Variants in OSER1 observed in about 807,000 individuals in gnomAD.
OSER1 encodes oxidative stress responsive serine rich 1.
Under a neutral mutation model 26.3 loss-of-function variants are expected in OSER1, and 15 were observed. The observed-to-expected ratio is 0.57, with a 90% CI of 0.38 to 0.88. OSER1 has a LOEUF of 0.88. Among genes scored for constraint, OSER1 ranks in the 40% least tolerant of loss-of-function variants. The pLI is 0.00. For synonymous variants in OSER1, 127 were observed against 128.2 expected, an observed-to-expected ratio of 0.99 and a Z score of 0.07; for missense variants, 313 against 353.9, an observed-to-expected ratio of 0.88 and a Z score of 0.93.
At chr20:44,202,752 A>C (rs2072996241) in intron 3 of OSER1, among the ~76,000 whole-genome samples, 1 of 152,190 alleles carries the variant, frequency 6.6e-6, no homozygotes, top group Non-Finnish European at 1.5e-5. Context: ...CAATCTTCTC[A>C]AACAGACATA....
intron 2 of OSER1, among the ~76,000 whole-genome samples, chr20:44,205,130 C>T (rs554098603): frequency 2.0e-5 from 3 of 152,264 alleles, no homozygotes; most frequent in East Asian, 3.9e-4. Flanking sequence ...CCATCATGCC[C>T]GGCCTGGCTT....
At chr20:44,200,359 G>A (rs2072968553) in intron 3 of OSER1, among the ~76,000 whole-genome samples, 1 of 152,198 alleles carries the variant, frequency 6.6e-6, no homozygotes. Context: ...TCCTGCGACT[G>A]TCTCAGCAAC....
At chr20:44,207,047 G>A in intron 1 of OSER1, 49 bp from the exon 2 acceptor site, 1 of 879,432 alleles carries the variant, frequency 1.1e-6, no homozygotes, top group South Asian at 1.5e-5. Flanking sequence ...GGGATCAAAA[G>A]TATACCTGTT....
In OSER1 at chr20:44,196,454, G is replaced by C. The variant is rs1261532842; in HGVS notation, c.*598C>G. The C allele has an allele frequency of 2.6e-5, 4 of 152,412 alleles. No individual in the cohort carries two copies. Among genetic ancestry groups the C allele is most frequent in the Non-Finnish European group, 5.9e-5 (4 of 68,218 alleles). The allele number at this position is 152,412 out of a possible 1,614,324, so 9.4% of individuals were successfully genotyped here. Reference sequence around the variant, plus strand: ...ACATGTCTTAGGATGAATAGCACCAGCAGGGGCTTATTTAGTGATGGTTAA... The same window carrying C: ...ACATGTCTTAGGATGAATAGCACCACCAGGGGCTTATTTAGTGATGGTTAA... On this transcript the variant is annotated 3_prime_UTR_variant, in exon 4 of 4. Coordinates refer to ENST00000255174, the MANE Select transcript of OSER1 (RefSeq NM_016470.8).
chr20:44,205,554 A>G (rs867324315), intron 2 of OSER1, among the ~76,000 whole-genome samples: 3 of 152,236 alleles, frequency 2.0e-5, no homozygotes, highest in Non-Finnish European at 4.4e-5. Context: ...AGGTGGCTGT[A>G]ACAACAACTA....
intron 3 of OSER1, among the ~76,000 whole-genome samples, chr20:44,198,636 T>TAAATA (rs755412974): frequency 0.015 from 2,221 of 148,512 alleles, 45 homozygotes; most frequent in African/African-American, 0.043. Flanking sequence ...AATAAATAAA[T>TAAATA]AAATAAAATA....
intron 2 of OSER1, among the ~76,000 whole-genome samples, chr20:44,205,368 T>C (rs780099346): frequency 6.6e-6 from 1 of 152,158 alleles, no homozygotes; most frequent in Non-Finnish European, 1.5e-5. Context: ...CCCAAGACAA[T>C]TTATCAAAGT....
At chr20:44,201,859 G>A (rs1411445304) in intron 3 of OSER1, among the ~76,000 whole-genome samples, 1 of 152,114 alleles carries the variant, frequency 6.6e-6, no homozygotes, top group East Asian at 1.9e-4. Context: ...AATTGGAAAG[G>A]AAAGGAGGAG....
chr20:44,203,583 C>T (rs1192038109), intron 2 of OSER1, among the ~76,000 whole-genome samples: 2 of 151,922 alleles, frequency 1.3e-5, no homozygotes, highest in African/African-American at 4.8e-5. Flanking sequence ...AATATGGGTT[C>T]CCAGTAAAGA....
At chr20:44,205,897 G>A (rs959674780) in intron 2 of OSER1, among the ~76,000 whole-genome samples, 6 of 138,606 alleles carry the variant, frequency 4.3e-5, no homozygotes, top group Non-Finnish European at 7.5e-5. Flanking sequence ...CTGAGATTGC[G>A]CCACTGCACT....
intron 1 of OSER1, among the ~76,000 whole-genome samples, chr20:44,209,790 A>C (rs1164314572): frequency 6.6e-6 from 1 of 152,158 alleles, no homozygotes; most frequent in African/African-American, 2.4e-5. Flanking sequence ...ACCTCCTTGA[A>C]TCCCAAGCCT....
At position 44,203,038 on chromosome 20, in the gene OSER1, A is replaced by C; in HGVS notation, c.114T>G (p.Gly38=). Residue 38 remains glycine, a synonymous_variant, in exon 3 of 4, where the codon GGT becomes GGG. Coordinates refer to ENST00000255174, the MANE Select transcript of OSER1 (RefSeq NM_016470.8). ...TTGCTGTTCTGACTGGTGCTCTGAC[A>C]CCTGTGCCTTCTCCAACAGACAGAG... ...VASLSVGEGT[G]VRAPVRTATD... The C allele has an allele frequency of 6.2e-7, 1 of 1,612,848 alleles. No individual in the cohort carries two copies. The highest frequency in any genetic ancestry group is 8.5e-7 in the Non-Finnish European group (1 of 1,178,862).
chr20:44,211,319 T>C (rs1049733180), upstream of OSER1: 3 of 152,288 alleles, frequency 2.0e-5, no homozygotes, highest in Admixed American at 2.0e-4. Flanking sequence ...AGCCCTCGCC[T>C]CCTGGTGATC....
chr20:44,199,476 C>T (rs2145921968), intron 3 of OSER1, among the ~76,000 whole-genome samples: 1 of 152,236 alleles, frequency 6.6e-6, no homozygotes, highest in South Asian at 2.1e-4. Context: ...AGAAATAAGT[C>T]TCTTTAAAAA....
intron 1 of OSER1, among the ~76,000 whole-genome samples, chr20:44,208,621 CTA>C (rs1411018091): frequency 1.3e-5 from 2 of 152,148 alleles, no homozygotes; most frequent in Non-Finnish European, 2.9e-5. Flanking sequence ...CAATCAATTC[CTA>C]TATACCTGGG....
chr20:44,200,282 A>T (rs971238749), intron 3 of OSER1, among the ~76,000 whole-genome samples: 1 of 152,180 alleles, frequency 6.6e-6, no homozygotes, highest in African/African-American at 2.4e-5. Flanking sequence ...CAGAAAGTAG[A>T]ACTGACCCTG....
chr20:44,210,538 G>A (rs936950154), intron 1 of OSER1, among the ~76,000 whole-genome samples, 158 bp downstream of exon 1: 2 of 152,196 alleles, frequency 1.3e-5, no homozygotes, highest in African/African-American at 2.4e-5. Context: ...CGGCAGATAA[G>A]GGGGCGCGGA....
At chr20:44,207,961 G>C (rs2073055391) in intron 1 of OSER1, among the ~76,000 whole-genome samples, 1 of 152,148 alleles carries the variant, frequency 6.6e-6, no homozygotes. Context: ...AGGGTTATTA[G>C]TACCAAATTT....
Position 44,208,422 on chromosome 20 carries a change from TAA to T in OSER1, c.-41-1426_-41-1425del, listed in dbSNP as rs3037689. Among the ~76,000 whole-genome samples, 64 of 131,370 alleles carry T rather than the reference TAA, an allele frequency of 4.9e-4. 1 individual carries two copies. The highest frequency in any genetic ancestry group is 1.6e-3 in the African/African-American group (56 of 34,498). The allele number at this position is 131,370 out of a possible 152,430, so 86.2% of individuals were successfully genotyped here. Reference sequence around the variant, plus strand: ...AACAGTCTCAAAAGAATTCAGCTACTAAAAAAAAAAAAAAAAATTCAGCCAGC... The same window carrying T: ...AACAGTCTCAAAAGAATTCAGCTACTAAAAAAAAAAAAAAATTCAGCCAGC... On this transcript the variant is annotated intron_variant, in intron 1 of 3. Coordinates refer to ENST00000255174, the MANE Select transcript of OSER1 (RefSeq NM_016470.8).
Sources: gnomAD v4.1 joint callset for allele counts (sites outside exome capture counted in the v4.1 genomes callset) on GRCh38, gnomAD v4.1.1 for gene constraint, MANE v1.5 for transcripts, NCBI Gene and HGNC (gene_info 2026-07-23, HGNC 2026-07-21) for gene names.